TPTE2: variants seen among roughly 807,000 people sequenced by gnomAD.
The protein encoded by TPTE2 is transmembrane phosphoinositide 3-phosphatase and tensin homolog 2.
TPTE2 carries 53 observed loss-of-function variants against 78.6 expected under a neutral mutation model. The observed-to-expected ratio is 0.67, with a 90% CI of 0.54 to 0.85. The LOEUF is 0.85. Ranked by LOEUF, TPTE2 falls within the 40% of genes least tolerant of loss-of-function variation. TPTE2 has a pLI of 0.00. For synonymous variants in TPTE2, 175 were observed against 206.2 expected, an observed-to-expected ratio of 0.85 and a Z score of 1.30; for missense variants, 461 against 623.0, an observed-to-expected ratio of 0.74 and a Z score of 2.77.
intron 10 of TPTE2, among the ~76,000 whole-genome samples, chr13:19,458,878 T>C (rs546416817): frequency 4.6e-5 from 7 of 152,284 alleles, no homozygotes; most frequent in Non-Finnish European, 8.8e-5. Flanking sequence ...AATGAACATA[T>C]GTGTGCATGC....
chr13:19,459,720 G>T (rs1444372051), intron 10 of TPTE2, among the ~76,000 whole-genome samples: 1 of 152,236 alleles, frequency 6.6e-6, no homozygotes, highest in African/African-American at 2.4e-5. Flanking sequence ...TTCCTGCCCA[G>T]TGAGGAGGAA....
chr13:19,456,947 A>C (rs1417799603), intron 10 of TPTE2, among the ~76,000 whole-genome samples: 2 of 152,234 alleles, frequency 1.3e-5, no homozygotes, highest in African/African-American at 4.8e-5. Flanking sequence ...GGCCATAATA[A>C]TTAAAACTAT....
chr13:19,493,693 CT>C, intron 1 of TPTE2, 192 bp from the exon 5 acceptor site: 1 of 649,636 alleles, frequency 1.5e-6, no homozygotes. Flanking sequence ...CAACCAAAAT[CT>C]TAGGCTGGGG....
intron 5 of TPTE2, among the ~76,000 whole-genome samples, chr13:19,475,207 A>G (rs1227538599): frequency 6.6e-6 from 1 of 151,972 alleles, no homozygotes; most frequent in Non-Finnish European, 1.5e-5. Context: ...GTATAGATGC[A>G]TATGAGACTC....
At chr13:19,511,742 A>G (rs548087433) in intron 1 of TPTE2, among the ~76,000 whole-genome samples, 60 of 152,336 alleles carry the variant, frequency 3.9e-4, no homozygotes, top group Admixed American at 1.2e-3. Flanking sequence ...AAGGATTGTA[A>G]TTCATTGAAA....
At chr13:19,520,788 T>C (rs982687938) in intron 1 of TPTE2, among the ~76,000 whole-genome samples, 23 of 152,008 alleles carry the variant, frequency 1.5e-4, no homozygotes, top group African/African-American at 5.5e-4. Context: ...TTTTGAGATG[T>C]GGAATTTTTG....
rs1053372072 is a variant in TPTE2, at chr13:19,443,369, A to G, written c.974-5216T>C. On this transcript the variant is annotated intron_variant, in intron 13 of 19. Transcript: ENST00000400230. Reference sequence around the variant, plus strand: ...AAAAAAAAAAACTCTTAGCAAGCTAAAGGAATTTCTTTTTTCTTTCTTTCT... The same window carrying G: ...AAAAAAAAAAACTCTTAGCAAGCTAGAGGAATTTCTTTTTTCTTTCTTTCT... Among the ~76,000 whole-genome samples the G allele has an allele frequency of 5.1e-4, 77 of 150,044 alleles. 4 individuals are homozygous for G. Among genetic ancestry groups the G allele is most frequent in the Non-Finnish European group, 2.2e-4 (15 of 67,618 alleles).
intron 1 of TPTE2, among the ~76,000 whole-genome samples, chr13:19,527,727 G>A (rs1427264415): frequency 6.6e-6 from 1 of 152,122 alleles, no homozygotes; most frequent in Non-Finnish European, 1.5e-5. Flanking sequence ...AATTAGGCAG[G>A]TGTGGTGGTG....
intron 16 of TPTE2, among the ~76,000 whole-genome samples, chr13:19,431,917 C>T (rs1876654823): frequency 9.4e-6 from 1 of 105,960 alleles, no homozygotes; most frequent in Non-Finnish European, 2.1e-5. Context: ...AGGCCCCATT[C>T]CTTCCACACA....
chr13:19,526,408 AGCCTGGAG>A (rs1339992861), intron 1 of TPTE2, among the ~76,000 whole-genome samples: 1 of 150,900 alleles, frequency 6.6e-6, no homozygotes, highest in African/African-American at 2.5e-5. Flanking sequence ...AAAGCCTAAA[AGCCTGGAG>A]GCCATCCAGC....
chr13:19,470,568 C>G (rs1879547905), intron 6 of TPTE2, among the ~76,000 whole-genome samples: 1 of 152,098 alleles, frequency 6.6e-6, no homozygotes, highest in Non-Finnish European at 1.5e-5. Context: ...CTCTGTCACC[C>G]AGGCTGGAGT....
chr13:19,504,856 TTC>T (rs1868893611), upstream of TPTE2, among the ~76,000 whole-genome samples: 1 of 152,008 alleles, frequency 6.6e-6, no homozygotes, highest in Non-Finnish European at 1.5e-5. Context: ...TTCTCTCCCT[TTC>T]TCTCTCTCCC....
At chr13:19,478,715 G>A (rs1418752076) in intron 4 of TPTE2, among the ~76,000 whole-genome samples, 2 of 152,080 alleles carry the variant, frequency 1.3e-5, no homozygotes, top group Non-Finnish European at 2.9e-5. Context: ...GCACATGTAT[G>A]TTTATTGTGG....
intron 10 of TPTE2, among the ~76,000 whole-genome samples, chr13:19,462,540 T>TA (rs1878991203): frequency 1.0e-5 from 1 of 100,502 alleles, no homozygotes; most frequent in Non-Finnish European, 1.9e-5. Flanking sequence ...AACATTTCCT[T>TA]TTTTTTTTTT....
chr13:19,503,775 T>C (rs558204488), upstream of TPTE2, among the ~76,000 whole-genome samples: 1 of 152,270 alleles, frequency 6.6e-6, no homozygotes, highest in South Asian at 2.1e-4. Flanking sequence ...TTCTGCAGGG[T>C]CAAAAACATT....
chr13:19,498,200 T>C (rs1881511933), intron 1 of TPTE2, among the ~76,000 whole-genome samples: 1 of 152,000 alleles, frequency 6.6e-6, no homozygotes. Context: ...ATGGGGAGAA[T>C]GGAACCAAGT....
At chr13:19,458,470 A>C in intron 10 of TPTE2, 1 of 398,742 alleles carries the variant, frequency 2.5e-6, no homozygotes, top group South Asian at 2.0e-5. Flanking sequence ...TAATGCTGGC[A>C]AAGATCATTT....
chr13:19,486,546 C>T lies in TPTE2; in HGVS notation c.120-3999G>A, dbSNP rs147355804. The stretch of plus-strand genomic sequence containing the variant: ...GCAGGACAGTTTCTCAGGCCCAGGA[C>T]GCAGGCACACAGCTGTTTGCCTGGC... On this transcript the variant is annotated intron_variant, in intron 3 of 19. Coordinates refer to ENST00000400230, the Ensembl canonical transcript of TPTE2. This position sits in a 1 kb window ranked among gnomAD's most constrained non-coding sequence, Gnocchi z 4.3. Among the ~76,000 whole-genome samples the T allele has an allele frequency of 0.012, 1,805 of 152,268 alleles. 40 individuals carry two copies. Among genetic ancestry groups the T allele is most frequent in the African/African-American group, 0.041 (1,687 of 41,558 alleles).
chr13:19,463,285 G>C (rs1879059118), intron 10 of TPTE2, among the ~76,000 whole-genome samples: 1 of 152,110 alleles, frequency 6.6e-6, no homozygotes, highest in South Asian at 2.1e-4. Context: ...CTGGACTCTT[G>C]ATTGTATTTT....
Sources: gnomAD v4.1 joint callset for allele counts (sites outside exome capture counted in the v4.1 genomes callset) on GRCh38, gnomAD v4.1.1 for gene constraint, Gnocchi (gnomAD v3.1) non-coding constraint, MANE v1.5 for transcripts, NCBI Gene and HGNC (gene_info 2026-07-23, HGNC 2026-07-21) for gene names.